Variants in C10orf67 observed in about 807,000 individuals in gnomAD.
C10orf67 encodes uncharacterized protein C10orf67, mitochondrial.
In C10orf67, 60 loss-of-function variants were observed where a neutral mutation model predicts 35.6. The observed-to-expected ratio is 1.68, with a 90% CI of 1.37 to 2.09. The LOEUF (loss-of-function observed/expected upper bound fraction) is 2.09, where lower values mean the gene tolerates loss of function less well. C10orf67 is among the 30% of genes most tolerant of loss of function. The probability of loss-of-function intolerance (pLI) is 0.00; values close to 1 mark genes in which losing one functional copy is unlikely to be tolerated. For synonymous variants in C10orf67, 167 were observed against 115.8 expected, an observed-to-expected ratio of 1.44 and a Z score of -2.84; for missense variants, 474 against 330.2, an observed-to-expected ratio of 1.44 and a Z score of -3.38.
At chr10:23,278,351 G>T (rs1843257896) in intron 8 of C10orf67, among the ~76,000 whole-genome samples, 1 of 152,158 alleles carries the variant, frequency 6.6e-6, no homozygotes, top group South Asian at 2.1e-4. Context: ...TGTCACATGT[G>T]TATTAACAGT....
chr10:23,221,983 G>T (rs1841594195), intron 15 of C10orf67, among the ~76,000 whole-genome samples: 1 of 152,150 alleles, frequency 6.6e-6, no homozygotes, highest in Admixed American at 6.5e-5. Flanking sequence ...TCTGGTGTGA[G>T]CATTTTATCT....
chr10:23,344,785 G>T lies in C10orf67; in HGVS notation c.-11C>A. On this transcript the variant is annotated 5_prime_UTR_variant, in exon 1 of 16. Coordinates refer to ENST00000636213, the MANE Select transcript of C10orf67 (RefSeq NM_001371909.1). Reference sequence around the variant, plus strand: ...CCGGACCAAGGCCATCATAAGAGGAGAGCAGGCTGCCTAATAAGCTGTCTC... The same window carrying T: ...CCGGACCAAGGCCATCATAAGAGGATAGCAGGCTGCCTAATAAGCTGTCTC... 6.4e-7 allele frequency: 1 copy of T among 1,552,626 alleles called. No homozygotes were observed. Among genetic ancestry groups the T allele is most frequent in the African/African-American group, 1.4e-5 (1 of 73,244 alleles).
At chr10:23,332,764 T>C (rs535263359) in intron 2 of C10orf67, among the ~76,000 whole-genome samples, 1 of 152,300 alleles carries the variant, frequency 6.6e-6, no homozygotes. Flanking sequence ...TCATTATATA[T>C]GCAAAGATGT....
At chr10:23,344,473 G>A in intron 1 of C10orf67, 96 bp downstream of exon 1, 1 of 1,181,420 alleles carries the variant, frequency 8.5e-7, no homozygotes, top group African/African-American at 1.5e-5. Flanking sequence ...ATACCCCAGA[G>A]GAAAGCTGCA....
At chr10:23,253,451 A>G (rs1842515061) in intron 10 of C10orf67, among the ~76,000 whole-genome samples, 1 of 152,198 alleles carries the variant, frequency 6.6e-6, no homozygotes. Flanking sequence ...GATTAACAGT[A>G]GTCCAAGGAA....
At chr10:23,276,270 A>G (rs1843183924) in intron 8 of C10orf67, among the ~76,000 whole-genome samples, 1 of 152,180 alleles carries the variant, frequency 6.6e-6, no homozygotes, top group Non-Finnish European at 1.5e-5. Context: ...CCATGACCCA[A>G]TAGCTCCTTC....
At chr10:23,248,537 T>C (rs1306648634) in intron 12 of C10orf67, among the ~76,000 whole-genome samples, 1 of 152,222 alleles carries the variant, frequency 6.6e-6, no homozygotes, top group Non-Finnish European at 1.5e-5. Flanking sequence ...TGGATTGGAC[T>C]CTGATCTTGA....
intron 13 of C10orf67, among the ~76,000 whole-genome samples, chr10:23,230,876 G>A (rs1333137576): frequency 6.6e-6 from 1 of 152,210 alleles, no homozygotes. Flanking sequence ...TCTGTTCCTG[G>A]TTAGAGGGTC....
At chr10:23,320,441 T>C (rs1201493703) in intron 4 of C10orf67, among the ~76,000 whole-genome samples, 1 of 152,232 alleles carries the variant, frequency 6.6e-6, no homozygotes, top group Non-Finnish European at 1.5e-5. Flanking sequence ...CTGAACTCTC[T>C]CTTAGGACCA....
chr10:23,233,906 G>A (rs1170410467), intron 13 of C10orf67, among the ~76,000 whole-genome samples: 2 of 152,110 alleles, frequency 1.3e-5, no homozygotes, highest in Non-Finnish European at 2.9e-5. Context: ...ACATGAGCCA[G>A]GAAACAAACA....
At chr10:23,226,561 C>T (rs1798445462) in intron 13 of C10orf67, among the ~76,000 whole-genome samples, 1 of 152,098 alleles carries the variant, frequency 6.6e-6, no homozygotes, top group African/African-American at 2.4e-5. Context: ...CATTCAAAAG[C>T]TAGCAGAAGA....
At chr10:23,258,843 T>C (rs968300022) in intron 10 of C10orf67, among the ~76,000 whole-genome samples, 1 of 152,242 alleles carries the variant, frequency 6.6e-6, no homozygotes, top group Non-Finnish European at 1.5e-5. Flanking sequence ...TGGGAACTTA[T>C]TCTGTAATGG....
At chr10:23,307,724 C>A (rs1156361679) in intron 4 of C10orf67, among the ~76,000 whole-genome samples, 12 of 151,754 alleles carry the variant, frequency 7.9e-5, no homozygotes. Context: ...CCCACCTCTG[C>A]CTCCACCTCT....
rs539916999 is a variant in C10orf67, at chr10:23,203,858, C to G, written c.*315G>C. The G allele has an allele frequency of 2.1e-5, 5 of 234,224 alleles. No individual in the cohort carries two copies. The highest frequency in any genetic ancestry group is 1.1e-4 in the African/African-American group (5 of 44,534). The allele number at this position is 234,224 out of a possible 1,614,324, so 14.5% of individuals were successfully genotyped here. On this transcript the variant is annotated 3_prime_UTR_variant, in exon 16 of 16. Coordinates refer to ENST00000636213, the MANE Select transcript of C10orf67 (RefSeq NM_001371909.1). Reference sequence around the variant, plus strand: ...CTTTTTAATTAAAGTCCGTCCCTTCCCACTCTTAGACGCCTGGGCTCTTCT... The same window carrying G: ...CTTTTTAATTAAAGTCCGTCCCTTCGCACTCTTAGACGCCTGGGCTCTTCT...
At chr10:23,344,294 A>C in intron 1 of C10orf67, 1 of 424,492 alleles carries the variant, frequency 2.4e-6, no homozygotes. Flanking sequence ...GAGTGGGGGA[A>C]GGGGGAAGAG....
At position 23,231,565 on chromosome 10, in the gene C10orf67, A is replaced by G. The variant is rs1035148901; in HGVS notation, c.1435-7747T>C. On this transcript the variant is annotated intron_variant, in intron 13 of 15. Coordinates refer to ENST00000636213, the MANE Select transcript of C10orf67 (RefSeq NM_001371909.1). ...AAGCAGCCTTCCATCTATTTAAGTCAGTGTATTTTTTGTTGTTGCAATCAC... is the reference window on the plus strand; with the variant it reads ...AAGCAGCCTTCCATCTATTTAAGTCGGTGTATTTTTTGTTGTTGCAATCAC... Among the ~76,000 whole-genome samples, 61 of 152,152 alleles carry G rather than the reference A, an allele frequency of 4.0e-4. 1 individual carries two copies. The highest frequency in any genetic ancestry group is 3.9e-3 in the Admixed American group (60 of 15,276).
chr10:23,252,296 T>C (rs1209734915), intron 10 of C10orf67, among the ~76,000 whole-genome samples: 1 of 152,220 alleles, frequency 6.6e-6, no homozygotes, highest in Non-Finnish European at 1.5e-5. Context: ...TTTTAATAAA[T>C]TGTTCTTTGG....
chr10:23,284,765 C>A (rs769207375), intron 7 of C10orf67, among the ~76,000 whole-genome samples: 2 of 152,048 alleles, frequency 1.3e-5, no homozygotes, highest in African/African-American at 2.4e-5. Flanking sequence ...AACAGGAGAA[C>A]GTGAGAAAGG....
At chr10:23,246,977 C>T (rs962697349) in intron 12 of C10orf67, among the ~76,000 whole-genome samples, 1 of 151,926 alleles carries the variant, frequency 6.6e-6, no homozygotes, top group Non-Finnish European at 1.5e-5. Context: ...AGGTGTGCAC[C>T]ACCACGTGAA....
Sources: gnomAD v4.1 joint callset for allele counts (sites outside exome capture counted in the v4.1 genomes callset) on GRCh38, gnomAD v4.1.1 for gene constraint, MANE v1.5 for transcripts, NCBI Gene and HGNC (gene_info 2026-07-23, HGNC 2026-07-21) for gene names.